The following SORCS2 variants were observed in gnomAD, a reference collection of about 807,000 sequenced individuals.
SORCS2 encodes VPS10 domain-containing receptor SorCS2.
In SORCS2, 100 loss-of-function variants were observed where a neutral mutation model predicts 141.6. That is an observed-to-expected ratio of 0.71 (90% CI 0.60 to 0.83). SORCS2 has a LOEUF of 0.83. Among genes scored for constraint, SORCS2 ranks in the 40% least tolerant of loss-of-function variants. The probability of loss-of-function intolerance (pLI) is 0.00; values close to 1 mark genes in which losing one functional copy is unlikely to be tolerated. For synonymous variants in SORCS2, 789 were observed against 676.9 expected (o/e 1.17, Z -2.57); for missense variants, 1,646 against 1,560.2 (o/e 1.05, Z -0.93).
chr4:7,498,918 G>T (rs892860091), intron 2 of SORCS2, among the ~76,000 whole-genome samples: 1 of 152,170 alleles, frequency 6.6e-6, no homozygotes, highest in Non-Finnish European at 1.5e-5. Flanking sequence ...GCTGAGCGTG[G>T]AGTGGCTTCC....
At chr4:7,540,379 C>T (rs1302002690) in intron 3 of SORCS2, among the ~76,000 whole-genome samples, 1 of 152,114 alleles carries the variant, frequency 6.6e-6, no homozygotes, top group African/African-American at 2.4e-5. Flanking sequence ...CAGCCTTCTT[C>T]TGTGGCTAGG....
rs372741259 is a variant in SORCS2, at chr4:7,666,754, C to T, written c.1072-370C>T. ...GGAAAAGCACTCGAGATGGTGCCGG[C>T]TTTGTTTGTCATGCCTCGAGGTTCA... On this transcript the variant is annotated intron_variant, in intron 7 of 26. Transcript: ENST00000507866. 1.2e-4 allele frequency among the ~76,000 whole-genome samples: 18 copies of T among 152,276 alleles called. No individual in the cohort carries two copies. In the East Asian group the frequency reaches 1.9e-3, roughly 16 times the overall value.
chr4:7,530,603 C>T (rs894856513), intron 2 of SORCS2, among the ~76,000 whole-genome samples: 4 of 152,194 alleles, frequency 2.6e-5, no homozygotes, highest in Admixed American at 6.5e-5. Context: ...CCAGTACAGT[C>T]GGGGCATATC....
chr4:7,398,427 C>T (rs140738055), intron 2 of SORCS2, among the ~76,000 whole-genome samples: 3 of 152,192 alleles, frequency 2.0e-5, no homozygotes, highest in Admixed American at 6.5e-5. Context: ...TAGAACAGTA[C>T]GTGATCTAAA....
chr4:7,656,491 G>A (rs1012401015), intron 5 of SORCS2, among the ~76,000 whole-genome samples: 10 of 152,226 alleles, frequency 6.6e-5, no homozygotes, highest in African/African-American at 2.2e-4. Context: ...ACTGAGGCTC[G>A]GGCACGCATT....
chr4:7,460,629 G>A (rs1460801918), intron 2 of SORCS2, among the ~76,000 whole-genome samples: 1 of 152,206 alleles, frequency 6.6e-6, no homozygotes, highest in Non-Finnish European at 1.5e-5. Flanking sequence ...GGAATTGCAT[G>A]CCGAGAGCTG....
At chr4:7,418,068 A>G (rs1725811213) in intron 2 of SORCS2, among the ~76,000 whole-genome samples, 1 of 152,136 alleles carries the variant, frequency 6.6e-6, no homozygotes, top group African/African-American at 2.4e-5. Flanking sequence ...GGAGGCTCTT[A>G]CCAGTTACGC....
intron 1 of SORCS2, among the ~76,000 whole-genome samples, chr4:7,313,115 A>C (rs1718299720): frequency 6.6e-6 from 1 of 152,246 alleles, no homozygotes; most frequent in Non-Finnish European, 1.5e-5. Flanking sequence ...GTGGGAGTAC[A>C]ACATGGTTAA....
At position 7,286,983 on chromosome 4, in the gene SORCS2, C is replaced by T. The variant is rs1344810008; in HGVS notation, c.480+93857C>T. On this transcript the variant is annotated intron_variant, in intron 1 of 26. Transcript: ENST00000507866. This position sits in a 1 kb window ranked among gnomAD's most constrained non-coding sequence, Gnocchi z 4.1. ...TACGAACGCTTCTTGCATCAGGTGG[C>T]TGCAGCCCGGCCTGGGAGTTGCCTC... Among the ~76,000 whole-genome samples, 2 of 152,222 alleles carry T rather than the reference C, an allele frequency of 1.3e-5. No individual in the cohort carries two copies. The highest frequency in any genetic ancestry group is 4.8e-5 in the African/African-American group (2 of 41,444).
intron 3 of SORCS2, among the ~76,000 whole-genome samples, chr4:7,535,176 C>G (rs944150675): frequency 6.6e-6 from 1 of 152,212 alleles, no homozygotes; most frequent in African/African-American, 2.4e-5. Flanking sequence ...CACCACAGGA[C>G]AAAACTGATC....
Position 7,727,206 on chromosome 4 carries a change from TTGGGCACTGGC to T in SORCS2, c.2869+306_2869+316del, listed in dbSNP as rs550785534. 5.3e-3 allele frequency among the ~76,000 whole-genome samples: 805 copies of T among 152,342 alleles called. 1 individual carries two copies. Among genetic ancestry groups the T allele is most frequent in the Non-Finnish European group, 9.3e-3 (632 of 68,030 alleles). On this transcript the variant is annotated intron_variant, in intron 21 of 26. Coordinates refer to ENST00000507866, the MANE Select transcript of SORCS2 (RefSeq NM_020777.3). ...TCACCCAGCAGCAAGACAGCCAGGT[TTGGGCACTGGC>T]TGTGCCTGCCTCCAGGGCCCCTGTC... is the stretch of plus-strand genomic sequence containing the variant.
At chr4:7,337,357 G>A (rs1720049386) in intron 1 of SORCS2, among the ~76,000 whole-genome samples, 1 of 152,164 alleles carries the variant, frequency 6.6e-6, no homozygotes, top group South Asian at 2.1e-4. Context: ...GTGGTTGTCA[G>A]GGGGCAGGAG....
At position 7,697,290 on chromosome 4, in the gene SORCS2, GGT is replaced by G. The variant is rs1560491987; in HGVS notation, c.1668+18_1668+19del. The stretch of plus-strand genomic sequence containing the variant: ...CTGGCGGCAGGTAAGCTGGCTGGGA[GGT>G]GCCTGGTACCCCCCACCCCATCCAG... On this transcript the variant is annotated intron_variant, in intron 12 of 26. Transcript: ENST00000507866. The G allele has an allele frequency of 1.3e-6, 2 of 1,572,834 alleles. No individual in the cohort carries two copies. The highest frequency in any genetic ancestry group is 1.7e-6 in the Non-Finnish European group (2 of 1,159,324).
chr4:7,402,860 T>C (rs929138731), intron 2 of SORCS2, among the ~76,000 whole-genome samples: 1 of 151,900 alleles, frequency 6.6e-6, no homozygotes, highest in Non-Finnish European at 1.5e-5. Context: ...GGTCTCGTCC[T>C]CTGTGACTCA....
intron 3 of SORCS2, among the ~76,000 whole-genome samples, chr4:7,611,447 C>T (rs1332676968): frequency 6.6e-6 from 1 of 152,218 alleles, no homozygotes; most frequent in East Asian, 1.9e-4. Context: ...CACCCTGAGA[C>T]TGCCCAGCAC....
chr4:7,261,179 A>T (rs931095515), intron 1 of SORCS2, among the ~76,000 whole-genome samples: 3 of 152,134 alleles, frequency 2.0e-5, no homozygotes, highest in Admixed American at 2.0e-4. Flanking sequence ...TAATTGGCAA[A>T]TGTCAACAGC....
chr4:7,335,170 A>C (rs563522079), intron 1 of SORCS2, among the ~76,000 whole-genome samples: 1 of 152,308 alleles, frequency 6.6e-6, no homozygotes, highest in African/African-American at 2.4e-5. Flanking sequence ...AGAAATTCTG[A>C]GTATCCTCGT....
chr4:7,289,130 T>G lies in SORCS2; in HGVS notation c.480+96004T>G, dbSNP rs527400797. Reference sequence around the variant, plus strand: ...TCCAGGTGTAGGTGACATATGGATATCTGTCATCCAGGGAGCCCAGATACA... The same window carrying G: ...TCCAGGTGTAGGTGACATATGGATAGCTGTCATCCAGGGAGCCCAGATACA... On this transcript the variant is annotated intron_variant, in intron 1 of 26. Coordinates refer to ENST00000507866, the MANE Select transcript of SORCS2 (RefSeq NM_020777.3). 6.6e-5 allele frequency among the ~76,000 whole-genome samples: 10 copies of G among 152,360 alleles called. No individual in the cohort carries two copies. The East Asian group carries it at 1.9e-3, about 29-fold the overall frequency.
chr4:7,617,422 T>C (rs1718839522), intron 3 of SORCS2, among the ~76,000 whole-genome samples: 1 of 152,100 alleles, frequency 6.6e-6, no homozygotes, highest in Non-Finnish European at 1.5e-5. Flanking sequence ...CAGAAAGGCT[T>C]TATAGAGCTC....
Sources: gnomAD v4.1 joint callset for allele counts (sites outside exome capture counted in the v4.1 genomes callset) on GRCh38, gnomAD v4.1.1 for gene constraint, Gnocchi (gnomAD v3.1) non-coding constraint, MANE v1.5 for transcripts, NCBI Gene and HGNC (gene_info 2026-07-23, HGNC 2026-07-21) for gene names.